The following CSMD1 variants were observed in gnomAD, a reference collection of about 807,000 sequenced individuals.
CSMD1 encodes the protein CUB and Sushi multiple domains 1, also known as CUB and sushi domain-containing protein 1.
Under a neutral mutation model 417.5 loss-of-function variants are expected in CSMD1, and 213 were observed. That is an observed-to-expected ratio of 0.51 (90% CI 0.46 to 0.57). CSMD1 has a LOEUF of 0.57. CSMD1 is among the 20% of genes least tolerant of loss of function. The probability of loss-of-function intolerance (pLI) is 0.00; values close to 1 mark genes in which losing one functional copy is unlikely to be tolerated. For missense variants in CSMD1, 6,923 were observed against 4,529.7 expected, an observed-to-expected ratio of 1.53 and a Z score of -15.17; for synonymous variants, 2,862 against 1,736.8, an observed-to-expected ratio of 1.65 and a Z score of -16.11.
At chr8:3,339,597 A>G (rs540565448) in intron 23 of CSMD1, among the ~76,000 whole-genome samples, 1 of 152,224 alleles carries the variant, frequency 6.6e-6, no homozygotes, top group Non-Finnish European at 1.5e-5. Flanking sequence ...CCCTATGTCA[A>G]TATCAATAAA....
intron 3 of CSMD1, among the ~76,000 whole-genome samples, chr8:4,257,036 G>C (rs1803508609): frequency 6.6e-6 from 1 of 152,122 alleles, no homozygotes; most frequent in Admixed American, 6.5e-5. Flanking sequence ...AGCCATCTAG[G>C]AAAAGTGCCT....
intron 26 of CSMD1, among the ~76,000 whole-genome samples, chr8:3,272,145 A>C (rs1801909210): frequency 6.8e-6 from 1 of 147,004 alleles, no homozygotes; most frequent in Non-Finnish European, 1.5e-5. Flanking sequence ...AGCTTTCTGC[A>C]TATGGTTAGC....
intron 23 of CSMD1, among the ~76,000 whole-genome samples, chr8:3,332,732 A>G (rs909648257): frequency 1.3e-5 from 2 of 152,184 alleles, no homozygotes; most frequent in Admixed American, 6.5e-5. Flanking sequence ...TCTGAGATGG[A>G]AGGAAAACAT....
chr8:4,873,784 T>C (rs1020350103), intron 1 of CSMD1, among the ~76,000 whole-genome samples: 1 of 152,118 alleles, frequency 6.6e-6, no homozygotes, highest in Non-Finnish European at 1.5e-5. Flanking sequence ...AGCACTGTGT[T>C]TGAAGCTGGA....
intron 5 of CSMD1, among the ~76,000 whole-genome samples, chr8:3,945,184 A>C (rs1372178757): frequency 2.0e-5 from 3 of 149,960 alleles, no homozygotes; most frequent in African/African-American, 5.0e-5. Flanking sequence ...AAGACAAAAA[A>C]AAAAAAAAAA....
chr8:3,241,353 T>C (rs1799505203), intron 26 of CSMD1, among the ~76,000 whole-genome samples: 1 of 151,880 alleles, frequency 6.6e-6, no homozygotes. Flanking sequence ...AAGAAGGTAA[T>C]GTGGAGTGGG....
intron 1 of CSMD1, among the ~76,000 whole-genome samples, chr8:4,971,745 C>A (rs1263460785): frequency 6.6e-6 from 1 of 151,220 alleles, no homozygotes; most frequent in South Asian, 2.1e-4. Context: ...ATAAATATTA[C>A]CAACTTTTAT....
intron 5 of CSMD1, among the ~76,000 whole-genome samples, chr8:3,921,260 G>A (rs944266775): frequency 2.6e-5 from 4 of 152,006 alleles, no homozygotes; most frequent in African/African-American, 9.7e-5. Flanking sequence ...ACCTGTTGTA[G>A]TATCACCTCT....
intron 3 of CSMD1, among the ~76,000 whole-genome samples, chr8:4,417,156 C>T (rs1399355664): frequency 6.6e-6 from 1 of 151,970 alleles, no homozygotes; most frequent in Non-Finnish European, 1.5e-5. Flanking sequence ...GGTCTATATT[C>T]AGAAAGTCAA....
intron 5 of CSMD1, among the ~76,000 whole-genome samples, chr8:3,891,838 G>T (rs187892172): frequency 6.6e-6 from 1 of 152,014 alleles, no homozygotes; most frequent in Admixed American, 6.6e-5. Flanking sequence ...ATCTGTAATG[G>T]TAATCCATTA....
intron 3 of CSMD1, among the ~76,000 whole-genome samples, chr8:4,234,237 A>C (rs989552242): frequency 1.3e-5 from 2 of 152,200 alleles, no homozygotes; most frequent in African/African-American, 4.8e-5. Flanking sequence ...CTGCCACCAG[A>C]CTAAAGCAGG....
intron 30 of CSMD1, among the ~76,000 whole-genome samples, chr8:3,212,127 C>G (rs1797647501): frequency 6.6e-6 from 1 of 152,216 alleles, no homozygotes. Context: ...CAAAGCCACT[C>G]TGGCTCACTG....
chr8:4,660,387 A>AG (rs1176945045), intron 1 of CSMD1, among the ~76,000 whole-genome samples: 15 of 152,248 alleles, frequency 9.9e-5, no homozygotes, highest in African/African-American at 2.9e-4. Context: ...AAAACACGAA[A>AG]GTAATGATTA....
intron 3 of CSMD1, among the ~76,000 whole-genome samples, chr8:4,079,697 T>G (rs1451133561): frequency 6.6e-6 from 1 of 152,238 alleles, no homozygotes; most frequent in Non-Finnish European, 1.5e-5. Flanking sequence ...TGTAGTAAAC[T>G]TGCTTTCTTT....
At chr8:3,991,324 G>T (rs1230100454) in intron 5 of CSMD1, among the ~76,000 whole-genome samples, 1 of 152,236 alleles carries the variant, frequency 6.6e-6, no homozygotes, top group East Asian at 1.9e-4. Flanking sequence ...TACCTAGGTT[G>T]TGGCGTAGTC....
chr8:4,398,385 C>CTTTTTTTTTTTTTTTTTTTTTTTTT lies in CSMD1; in HGVS notation c.415+21567_415+21568insAAAAAAAAAAAAAAAAAAAAAAAAA, dbSNP rs1317009143. ...CTCTTTTTAAATTGTCTTGCTGCAA[C>CTTTTTTTTTTTTTTTTTTTTTTTTT]TTCTTTTTTTTTTTTTTTTTTTTGT... On this transcript the variant is annotated intron_variant, in intron 3 of 69. Transcript: ENST00000635120. Among the ~76,000 whole-genome samples, 4 of 118,134 alleles carry CTTTTTTTTTTTTTTTTTTTTTTTTT rather than the reference C, an allele frequency of 3.4e-5. 2 individuals are homozygous for CTTTTTTTTTTTTTTTTTTTTTTTTT. Among genetic ancestry groups the CTTTTTTTTTTTTTTTTTTTTTTTTT allele is most frequent in the African/African-American group, 6.4e-5 (2 of 31,074 alleles). 77.5% of individuals were successfully genotyped at this position (118,134 alleles called of 152,430 possible).
chr8:3,047,512 A>G (rs1811538332), intron 50 of CSMD1, among the ~76,000 whole-genome samples: 2 of 152,150 alleles, frequency 1.3e-5, no homozygotes, highest in Non-Finnish European at 2.9e-5. Flanking sequence ...AGGGGTTGCG[A>G]GTACACAGCT....
At chr8:4,431,419 A>T (rs935079527) in intron 2 of CSMD1, among the ~76,000 whole-genome samples, 1 of 152,166 alleles carries the variant, frequency 6.6e-6, no homozygotes, top group African/African-American at 2.4e-5. Flanking sequence ...TTGAAGGAGG[A>T]ACAAGGTGAG....
chr8:4,605,730 G>A (rs971894432), intron 2 of CSMD1, among the ~76,000 whole-genome samples: 3 of 152,034 alleles, frequency 2.0e-5, no homozygotes, highest in Admixed American at 6.6e-5. Flanking sequence ...TCATATCCAC[G>A]ATCTGTGACT....
Sources: allele counts gnomAD v4.1 joint callset (sites outside exome capture counted in the v4.1 genomes callset), GRCh38; gene constraint gnomAD v4.1.1; transcripts MANE v1.5; gene names NCBI Gene and HGNC (gene_info 2026-07-23, HGNC 2026-07-21).